The following GABRG1 variants were observed in gnomAD, a reference collection of about 807,000 sequenced individuals.
The protein encoded by GABRG1 is gamma-aminobutyric acid receptor subunit gamma-1.
Under a neutral mutation model 49.8 loss-of-function variants are expected in GABRG1, and 49 were observed. The ratio of observed to expected loss-of-function variants is 0.98; its 90% CI spans 0.78 to 1.25. The LOEUF (loss-of-function observed/expected upper bound fraction) is 1.25, where lower values mean the gene tolerates loss of function less well. Among genes scored for constraint, GABRG1 ranks in the 50% most tolerant of loss-of-function variants. The pLI, the probability that GABRG1 is intolerant of heterozygous loss-of-function variation, is 0.00. For missense variants in GABRG1, 552 were observed against 552.3 expected (o/e 1.00, Z 0.01); for synonymous variants, 232 against 185.1 (o/e 1.25, Z -2.06).
chr4:46,041,008 C>T lies in GABRG1; in HGVS notation c.1378G>A (p.Val460Ile), dbSNP rs201319051. The change falls in exon 9 of 9, where the codon GTT becomes ATT. Residue 460 changes from valine to isoleucine, a missense_variant. Transcript: ENST00000295452. ...AFALFNLVYW[V>I]GYLYL ...AGATTTTATAAGTAAAGATAGCCAA[C>T]CCAATAAACCAAGTTGAACAGGGCA... 9.6e-5 allele frequency: 155 copies of T among 1,611,766 alleles called. No individual in the cohort carries two copies. In the African/African-American group the frequency reaches 1.3e-3, roughly 14 times the overall value.
chr4:46,074,997 G>A (rs1434134322), intron 3 of GABRG1, among the ~76,000 whole-genome samples: 1 of 151,730 alleles, frequency 6.6e-6, no homozygotes, highest in African/African-American at 2.4e-5. Context: ...GTGGGCAAAA[G>A]GCAAGATCAT....
intron 2 of GABRG1, among the ~76,000 whole-genome samples, chr4:46,094,586 G>A (rs955811012): frequency 1.3e-5 from 2 of 151,922 alleles, no homozygotes; most frequent in Non-Finnish European, 2.9e-5. Flanking sequence ...TTGTTTCTGG[G>A]CCAAGAAAAA....
intron 7 of GABRG1, among the ~76,000 whole-genome samples, chr4:46,056,948 C>T (rs780136389): frequency 3.9e-5 from 6 of 152,078 alleles, no homozygotes; most frequent in Non-Finnish European, 7.4e-5. Context: ...TCATGACACT[C>T]TAGCATAGAA....
At chr4:46,101,394 C>T (rs1373211829) in intron 1 of GABRG1, among the ~76,000 whole-genome samples, 2 of 150,950 alleles carry the variant, frequency 1.3e-5, no homozygotes, top group East Asian at 2.0e-4. Flanking sequence ...ACCTACGGTA[C>T]GTAATTAGCA....
chr4:46,094,576 T>C (rs890460556), intron 2 of GABRG1, among the ~76,000 whole-genome samples: 53 of 151,982 alleles, frequency 3.5e-4, no homozygotes, highest in African/African-American at 1.2e-3. Flanking sequence ...TCAAAATAGG[T>C]TGTTTCTGGG....
chr4:46,103,869 T>G (rs1412070723), intron 1 of GABRG1, among the ~76,000 whole-genome samples: 1 of 151,324 alleles, frequency 6.6e-6, no homozygotes, highest in African/African-American at 2.4e-5. Context: ...TATAGGTACC[T>G]TATCAAAACT....
At chr4:46,083,709 A>G (rs1719654421) in intron 3 of GABRG1, among the ~76,000 whole-genome samples, 1 of 148,230 alleles carries the variant, frequency 6.7e-6, no homozygotes, top group African/African-American at 2.5e-5. Context: ...TTCTTTCCAG[A>G]TTTCTTCAGG....
intron 3 of GABRG1, among the ~76,000 whole-genome samples, chr4:46,080,463 G>A (rs1407221897): frequency 6.6e-6 from 1 of 151,440 alleles, no homozygotes; most frequent in Non-Finnish European, 1.5e-5. Context: ...TGTTCCATGG[G>A]GTTCTTTTAT....
rs543755451 is a variant in GABRG1 at position 46,083,917 on chromosome 4, G to A, written c.321+69C>T. 2.4e-4 allele frequency: 201 copies of A among 827,950 alleles called. No individual in the cohort carries two copies. In the Admixed American group the frequency reaches 2.7e-3, roughly 11 times the overall value. 51.3% of individuals were successfully genotyped at this position (827,950 alleles called of 1,614,324 possible). On this transcript the variant is annotated intron_variant, in intron 3 of 8. Transcript: ENST00000295452. ...TAACTATAAAAAATTACTCACATGC[G>A]AATTCTATTTTGGAGGTATACACGA... is the stretch of plus-strand genomic sequence containing the variant.
chr4:46,043,346 G>A (rs1717858495), intron 8 of GABRG1, among the ~76,000 whole-genome samples: 1 of 151,924 alleles, frequency 6.6e-6, no homozygotes, highest in South Asian at 2.1e-4. Flanking sequence ...TAAATTGGCA[G>A]TTGTCTAGAT....
Position 46,097,340 on chromosome 4 carries a change from C to T in GABRG1, c.114G>A (p.Lys38=), listed in dbSNP as rs190029157. 42 of 1,604,462 alleles carry T rather than the reference C, an allele frequency of 2.6e-5. No homozygotes were observed. The African/African-American group carries it at 5.3e-4, about 20-fold the overall frequency. Residue 38 remains lysine, a synonymous_variant, in exon 2 of 9, where the codon AAG becomes AAA. Transcript: ENST00000295452. ...LTLHLGNCVD[K]ADDEDDEDLT... ...AATCCTCATCATCTTCATCATCTGC[C>T]TTATCAACACTAAATAATTCAAAGA...
rs572575051 is a variant in GABRG1, at chr4:46,095,630, G to A, written c.253+1571C>T. On this transcript the variant is annotated intron_variant, in intron 2 of 8. Coordinates refer to ENST00000295452, the MANE Select transcript of GABRG1 (RefSeq NM_173536.4). ...CAAAGCAAGTTACCAGTGCAATTAG[G>A]CTATTAAAGTGAAAAGTCAGTGAAA... 4.8e-4 allele frequency among the ~76,000 whole-genome samples: 73 copies of A among 151,840 alleles called. 1 individual carries two copies. The South Asian group carries it at 9.1e-3, about 19-fold the overall frequency.
intron 7 of GABRG1, among the ~76,000 whole-genome samples, chr4:46,056,725 T>C (rs1157786439): frequency 1.3e-5 from 2 of 152,084 alleles, no homozygotes; most frequent in Non-Finnish European, 2.9e-5. Context: ...GGATACATTG[T>C]AGAAAAATGC....
intron 5 of GABRG1, among the ~76,000 whole-genome samples, chr4:46,062,456 T>G (rs1263566943): frequency 1.3e-5 from 2 of 152,136 alleles, no homozygotes; most frequent in Non-Finnish European, 2.9e-5. Flanking sequence ...GCCACACTGA[T>G]TTCCACAATG....
intron 3 of GABRG1, among the ~76,000 whole-genome samples, chr4:46,080,605 C>T (rs143995317): frequency 6.6e-6 from 1 of 151,760 alleles, no homozygotes; most frequent in East Asian, 1.9e-4. Flanking sequence ...ATCTTTAATA[C>T]CATTAATCTT....
intron 3 of GABRG1, among the ~76,000 whole-genome samples, chr4:46,071,015 G>A (rs1719098706): frequency 6.6e-6 from 1 of 152,030 alleles, no homozygotes; most frequent in South Asian, 2.1e-4. Flanking sequence ...TACAACGTTG[G>A]TACCATAAAA....
At chr4:46,076,841 C>A (rs980072307) in intron 3 of GABRG1, among the ~76,000 whole-genome samples, 2 of 151,644 alleles carry the variant, frequency 1.3e-5, no homozygotes, top group Non-Finnish European at 2.9e-5. Flanking sequence ...GTTTTCTAGG[C>A]ATTCAAAATA....
At chr4:46,058,743 CATAGA>C in intron 5 of GABRG1, 121 bp from the exon 6 acceptor site, 4 of 703,584 alleles carry the variant, frequency 5.7e-6, no homozygotes, top group Non-Finnish European at 9.4e-6. Context: ...ATATGCCAAA[CATAGA>C]ATATTTGAAT....
At chr4:46,073,073 C>T (rs988294932) in intron 3 of GABRG1, among the ~76,000 whole-genome samples, 44 of 151,146 alleles carry the variant, frequency 2.9e-4, no homozygotes, top group Admixed American at 7.9e-4. Context: ...AAATAATTAT[C>T]CAAAAACATG....
Sources: allele counts gnomAD v4.1 joint callset (sites outside exome capture counted in the v4.1 genomes callset), GRCh38; gene constraint gnomAD v4.1.1; transcripts MANE v1.5; gene names NCBI Gene and HGNC (gene_info 2026-07-23, HGNC 2026-07-21).